TOP1: variants seen among roughly 807,000 people sequenced by gnomAD.
TOP1 encodes the protein DNA topoisomerase I, also known as DNA topoisomerase 1.
TOP1 carries 10 observed loss-of-function variants against 111.1 expected under a neutral mutation model. The observed-to-expected ratio is 0.09, with a 90% CI of 0.06 to 0.15. TOP1 has a LOEUF of 0.15. Ranked by LOEUF, TOP1 falls within the 10% of genes least tolerant of loss-of-function variation. The pLI, the probability that TOP1 is intolerant of heterozygous loss-of-function variation, is 1.00. For missense variants in TOP1, 474 were observed against 926.7 expected, an observed-to-expected ratio of 0.51 and a Z score of 6.34; for synonymous variants, 271 against 302.9, an observed-to-expected ratio of 0.89 and a Z score of 1.10.
intron 14 of TOP1, 85 bp from the exon 15 acceptor site, chr20:41,113,879 CAAAAAA>C (rs552197714): frequency 7.1e-5 from 47 of 662,066 alleles, no homozygotes; most frequent in African/African-American, 4.1e-4. Context: ...GAGACTGTCT[CAAAAAA>C]AAAAAAAAAA....
chr20:41,096,011 T>C (rs2033976346), intron 9 of TOP1, among the ~76,000 whole-genome samples: 1 of 152,252 alleles, frequency 6.6e-6, no homozygotes, highest in Admixed American at 6.5e-5. Flanking sequence ...ATAGGCCCTA[T>C]TCAGATTTTC....
At position 41,028,919 on chromosome 20, in the gene TOP1, G is replaced by A. The variant is rs1405591548; in HGVS notation, c.-149G>A. ...CGCCGCCGTGGTAGCAGCCTCAGCC[G>A]TTTCTGGAGTCTCGGGCCCACAGTC... is the stretch of plus-strand genomic sequence containing the variant. On this transcript the variant is annotated 5_prime_UTR_variant, in exon 1 of 21. Transcript: ENST00000361337. The A allele has an allele frequency of 4.7e-6, 3 of 633,186 alleles. No individual in the cohort carries two copies. The highest frequency in any genetic ancestry group is 6.7e-5 in the East Asian group (2 of 29,848). The allele number at this position is 633,186 out of a possible 1,614,324, so 39.2% of individuals were successfully genotyped here.
At chr20:41,073,182 C>CT (rs1463388109) in intron 3 of TOP1, 1 of 985,090 alleles carries the variant, frequency 1.0e-6, no homozygotes, top group African/African-American at 1.7e-5. Context: ...TACATGTACA[C>CT]TTGTAGGTAC....
chr20:41,102,319 T>C lies in TOP1; in HGVS notation c.1308+966T>C, dbSNP rs377735020. On this transcript the variant is annotated intron_variant, in intron 13 of 20. Transcript: ENST00000361337. The surrounding 1 kb of genome is among the most constrained non-coding windows in gnomAD (Gnocchi z 4.0). ...ATATATTTTCTCCAATTATAAAATA[T>C]ACTTTTCTGGCTGGGTGTGGTGGCT... 6.6e-6 allele frequency among the ~76,000 whole-genome samples: 1 copy of C among 152,194 alleles called. No homozygotes were observed. The highest frequency in any genetic ancestry group is 1.5e-5 in the Non-Finnish European group (1 of 68,026).
Position 41,089,020 on chromosome 20 carries a change from C to CTTTTT in TOP1, c.615-3434_615-3430dup, listed in dbSNP as rs59200685. The stretch of plus-strand genomic sequence containing the variant: ...TCCCCACTTCTCTGTTGCCCCAGTT[C>CTTTTT]TTTTTTTTTTTTTTTTTTTTTTGAG... On this transcript the variant is annotated intron_variant, in intron 8 of 20. Transcript: ENST00000361337. Among the ~76,000 whole-genome samples, 193 of 77,886 alleles carry CTTTTT rather than the reference C, an allele frequency of 2.5e-3. 32 individuals are homozygous for CTTTTT. The highest frequency in any genetic ancestry group is 7.9e-3 in the African/African-American group (125 of 15,812). 51.1% of individuals were successfully genotyped at this position (77,886 alleles called of 152,430 possible).
intron 8 of TOP1, among the ~76,000 whole-genome samples, chr20:41,088,744 ACT>A (rs1465387250): frequency 3.3e-5 from 5 of 152,120 alleles, no homozygotes; most frequent in African/African-American, 7.2e-5. Flanking sequence ...TATATCAATG[ACT>A]CTGCCAATTT....
At chr20:41,091,711 C>T (rs1408718026) in intron 8 of TOP1, among the ~76,000 whole-genome samples, 1 of 151,890 alleles carries the variant, frequency 6.6e-6, no homozygotes, top group East Asian at 1.9e-4. Flanking sequence ...TGCGCGCCAC[C>T]ATGCCCAGCT....
rs569661326 is a variant in TOP1 at position 41,076,561 on chromosome 20, A to G, written c.279+267A>G. 1.2e-4 allele frequency among the ~76,000 whole-genome samples: 18 copies of G among 152,296 alleles called. No homozygotes were observed. In the East Asian group the frequency reaches 3.5e-3, roughly 29 times the overall value. The stretch of plus-strand genomic sequence containing the variant: ...ATTGAGAATGCATTAGGGAAAATTA[A>G]TTGTTTTTGGGAGAAGGCCTAATGC... On this transcript the variant is annotated intron_variant, in intron 4 of 20. Transcript: ENST00000361337.
chr20:41,113,238 A>T (rs2034271010), intron 14 of TOP1, among the ~76,000 whole-genome samples: 1 of 152,152 alleles, frequency 6.6e-6, no homozygotes, highest in Non-Finnish European at 1.5e-5. Context: ...ATTTCTTGGT[A>T]CTCACGAGAA....
At chr20:41,108,907 A>G (rs1482723065) in intron 13 of TOP1, among the ~76,000 whole-genome samples, 14 of 152,244 alleles carry the variant, frequency 9.2e-5, no homozygotes. Context: ...ACCCAGGGAA[A>G]GTAGCCCTTA....
chr20:41,103,531 T>C (rs1430624650), intron 13 of TOP1, among the ~76,000 whole-genome samples: 1 of 152,176 alleles, frequency 6.6e-6, no homozygotes, highest in Non-Finnish European at 1.5e-5. Flanking sequence ...TGAACTGTTA[T>C]AAATGCTGCA....
At chr20:41,044,402 AT>A (rs2033307569) in intron 2 of TOP1, among the ~76,000 whole-genome samples, 1 of 152,250 alleles carries the variant, frequency 6.6e-6, no homozygotes, top group Non-Finnish European at 1.5e-5. Context: ...GTTAGTAAAA[AT>A]GGGATTTGTT....
chr20:41,053,831 T>C (rs1480276166), intron 2 of TOP1, among the ~76,000 whole-genome samples: 1 of 152,204 alleles, frequency 6.6e-6, no homozygotes, highest in Non-Finnish European at 1.5e-5. Flanking sequence ...CTTAACTTTG[T>C]TGTCATCCAC....
intron 2 of TOP1, among the ~76,000 whole-genome samples, chr20:41,035,050 G>A (rs1047204239): frequency 3.3e-5 from 5 of 151,792 alleles, no homozygotes; most frequent in East Asian, 3.9e-4. Flanking sequence ...TCACCACGCC[G>A]GGCTAATTTT....
At position 41,029,575 on chromosome 20, in the gene TOP1, G is replaced by T. The variant is rs781368217; in HGVS notation, c.58+120G>T. 2.5e-6 allele frequency: 2 copies of T among 806,006 alleles called. No homozygotes were observed. The highest frequency in any genetic ancestry group is 1.7e-5 in the African/African-American group (1 of 57,930). 49.9% of individuals were successfully genotyped at this position (806,006 alleles called of 1,614,324 possible). On this transcript the variant is annotated intron_variant, in intron 2 of 20. Coordinates refer to ENST00000361337, the MANE Select transcript of TOP1 (RefSeq NM_003286.4). This position sits in a 1 kb window ranked among gnomAD's most constrained non-coding sequence, Gnocchi z 6.1. Reference sequence around the variant, plus strand: ...CCCAGAGACTAAGTCCCGGCTCCTCGCTCACCGGCCCCATTGTTCCCATCG... The same window carrying T: ...CCCAGAGACTAAGTCCCGGCTCCTCTCTCACCGGCCCCATTGTTCCCATCG...
chr20:41,101,472 G>GTACTTGCCTTCTTTC lies in TOP1; in HGVS notation c.1308+119_1308+120insTACTTGCCTTCTTTC. ...AAATTAAAAATCCTCCCCATTGAAA[G>GTACTTGCCTTCTTTC]AAGGCAAGTACTTTCATAGTTAGCA... On this transcript the variant is annotated intron_variant, in intron 13 of 20. Coordinates refer to ENST00000361337, the MANE Select transcript of TOP1 (RefSeq NM_003286.4). The surrounding 1 kb of genome is among the most constrained non-coding windows in gnomAD (Gnocchi z 4.1). 2.7e-6 allele frequency: 3 copies of GTACTTGCCTTCTTTC among 1,117,576 alleles called. No individual in the cohort carries two copies. Among genetic ancestry groups the GTACTTGCCTTCTTTC allele is most frequent in the African/African-American group, 1.6e-5 (1 of 63,482 alleles). The allele number at this position is 1,117,576 out of a possible 1,614,324, so 69.2% of individuals were successfully genotyped here.
intron 5 of TOP1, among the ~76,000 whole-genome samples, chr20:41,077,919 A>G (rs2033747743): frequency 6.6e-6 from 1 of 151,432 alleles, no homozygotes; most frequent in Non-Finnish European, 1.5e-5. Flanking sequence ...ATATCACAAA[A>G]TTTGTATTTT....
At chr20:41,111,065 C>G (rs1409645488) in intron 13 of TOP1, among the ~76,000 whole-genome samples, 1 of 152,178 alleles carries the variant, frequency 6.6e-6, no homozygotes, top group East Asian at 1.9e-4. Flanking sequence ...TACCTGACTC[C>G]TACCTTACAT....
In TOP1 at chr20:41,080,379, A is replaced by T. The variant is rs968617447; in HGVS notation, c.431+199A>T. On this transcript the variant is annotated intron_variant, in intron 6 of 20. Transcript: ENST00000361337. The surrounding 1 kb of genome is among the most constrained non-coding windows in gnomAD (Gnocchi z 5.0). ...AACAAGTAGTATACCCAAGGCTTAC[A>T]TGAAGATTATATAAATTTTTATTAC... 6.6e-6 allele frequency among the ~76,000 whole-genome samples: 1 copy of T among 152,248 alleles called. No individual in the cohort carries two copies. The highest frequency in any genetic ancestry group is 2.4e-5 in the African/African-American group (1 of 41,476).
Sources: allele counts gnomAD v4.1 joint callset (sites outside exome capture counted in the v4.1 genomes callset), GRCh38; gene constraint gnomAD v4.1.1; non-coding constraint Gnocchi (gnomAD v3.1); transcripts MANE v1.5; gene names NCBI Gene and HGNC (gene_info 2026-07-23, HGNC 2026-07-21).